The following PTPRD variants were observed in gnomAD, a reference collection of about 807,000 sequenced individuals.
PTPRD encodes receptor-type tyrosine-protein phosphatase delta.
A neutral mutation model predicts 214.5 loss-of-function variants in PTPRD; 34 were observed. The observed-to-expected ratio is 0.16, with a 90% CI of 0.12 to 0.21. The LOEUF is 0.21. PTPRD is among the 10% of genes least tolerant of loss of function. The pLI is 1.00. For synonymous variants in PTPRD, 1,128 were observed against 845.7 expected (o/e 1.33, Z -5.79); for missense variants, 2,545 against 2,398.7 (o/e 1.06, Z -1.27).
At position 8,485,893 on chromosome 9, in the gene PTPRD, G is replaced by C. The variant is rs1488289979; in HGVS notation, c.2924C>G (p.Ala975Gly). 5 of 1,614,056 alleles carry C rather than the reference G, an allele frequency of 3.1e-6. No individual in the cohort carries two copies. The change falls in exon 28 of 46, where the codon GCT becomes GGT. Residue 975 changes from alanine (A) to glycine (G), a missense_variant. Ala to Gly is a moderately conservative substitution (Grantham distance 60). Coordinates refer to ENST00000381196, the MANE Select transcript of PTPRD (RefSeq NM_002839.4). ...GCCAGTGAGTGTCATAGTGGTGTCAGCTGGAACAATAAGCTGCTCCATCGG... is the reference window on the plus strand; with the variant it reads ...GCCAGTGAGTGTCATAGTGGTGTCACCTGGAACAATAAGCTGCTCCATCGG... ...LLPMEQLIVP[A>G]DTTMTLTGLK...
chr9:8,499,930 T>C (rs1236497354), intron 24 of PTPRD, 90 bp from the exon 25 acceptor site: 4 of 1,136,812 alleles, frequency 3.5e-6, no homozygotes, highest in Non-Finnish European at 4.8e-6. Flanking sequence ...TAGGTTTCTC[T>C]TTCAAAAAAT....
intron 7 of PTPRD, among the ~76,000 whole-genome samples, chr9:9,718,520 G>T (rs2097874800): frequency 6.6e-6 from 1 of 152,178 alleles, no homozygotes; most frequent in Admixed American, 6.5e-5. Context: ...AGCTGCAGCT[G>T]CCCAGCCACG....
intron 8 of PTPRD, among the ~76,000 whole-genome samples, chr9:9,438,894 C>A (rs1241125466): frequency 6.6e-6 from 1 of 151,918 alleles, no homozygotes; most frequent in Non-Finnish European, 1.5e-5. Context: ...TTCTATGTAT[C>A]AAATATAAAA....
chr9:9,255,129 A>G (rs1052311929), intron 9 of PTPRD, among the ~76,000 whole-genome samples: 8 of 152,076 alleles, frequency 5.3e-5, no homozygotes, highest in African/African-American at 1.9e-4. Context: ...GCTGTGTGCA[A>G]ACAGACCCAG....
At chr9:10,468,859 A>G (rs1416487595) in intron 2 of PTPRD, among the ~76,000 whole-genome samples, 2 of 152,168 alleles carry the variant, frequency 1.3e-5, no homozygotes, top group African/African-American at 4.8e-5. Context: ...TTAATTACTC[A>G]AAGTAATATA....
intron 6 of PTPRD, among the ~76,000 whole-genome samples, chr9:9,743,524 G>T (rs1291717894): frequency 6.6e-6 from 1 of 151,914 alleles, no homozygotes; most frequent in Non-Finnish European, 1.5e-5. Flanking sequence ...TGGACTTCAT[G>T]GGCCATCTGA....
intron 14 of PTPRD, among the ~76,000 whole-genome samples, chr9:8,579,289 G>A (rs924618354): frequency 6.6e-6 from 1 of 152,108 alleles, no homozygotes; most frequent in East Asian, 1.9e-4. Context: ...TGGATCTAAT[G>A]CTAATGCTCT....
intron 8 of PTPRD, among the ~76,000 whole-genome samples, chr9:9,419,662 G>A (rs934524913): frequency 6.6e-6 from 1 of 151,614 alleles, no homozygotes; most frequent in Non-Finnish European, 1.5e-5. Context: ...CAGTTTATTA[G>A]TTACTGGAAT....
At chr9:8,910,891 A>T (rs1370514275) in intron 11 of PTPRD, among the ~76,000 whole-genome samples, 3 of 152,242 alleles carry the variant, frequency 2.0e-5, no homozygotes, top group African/African-American at 7.2e-5. Context: ...AAATTGAACA[A>T]AAGAAGCGCA....
chr9:10,240,291 T>C (rs2099643314), intron 3 of PTPRD, among the ~76,000 whole-genome samples: 1 of 151,988 alleles, frequency 6.6e-6, no homozygotes. Context: ...TCAAATACAC[T>C]TGCTATGCCT....
chr9:9,008,600 A>C (rs1299282169), intron 11 of PTPRD, among the ~76,000 whole-genome samples: 4 of 152,130 alleles, frequency 2.6e-5, no homozygotes, highest in African/African-American at 9.7e-5. Context: ...GGATGGAGTT[A>C]ACTTTGTACC....
intron 11 of PTPRD, among the ~76,000 whole-genome samples, chr9:8,852,213 T>C (rs2097831556): frequency 6.6e-6 from 1 of 152,156 alleles, no homozygotes; most frequent in African/African-American, 2.4e-5. Context: ...AGTTAGCTAC[T>C]GCTACATTAA....
chr9:9,576,235 T>G (rs957863929), intron 7 of PTPRD, among the ~76,000 whole-genome samples: 6 of 152,170 alleles, frequency 3.9e-5, no homozygotes, highest in African/African-American at 7.2e-5. Context: ...TAATACTTCA[T>G]TCTTAGGAAG....
In PTPRD at chr9:10,306,706, T is replaced by A. The variant is rs556471270; in HGVS notation, c.-545+34257A>T. On this transcript the variant is annotated intron_variant, in intron 3 of 45. Coordinates refer to ENST00000381196, the MANE Select transcript of PTPRD (RefSeq NM_002839.4). ...TTATATCCAACCAGAGTCTCAAAAT[T>A]CTATGTTGTCTTGAATTCACTTGCT... is the stretch of plus-strand genomic sequence containing the variant. Among the ~76,000 whole-genome samples, 18 of 152,220 alleles carry A rather than the reference T, an allele frequency of 1.2e-4. No homozygotes were observed. In the South Asian group the frequency reaches 3.5e-3, roughly 30 times the overall value.
chr9:9,833,251 C>T (rs1482719123), intron 5 of PTPRD, among the ~76,000 whole-genome samples: 4 of 151,814 alleles, frequency 2.6e-5, no homozygotes, highest in African/African-American at 9.7e-5. Context: ...GGACAGAGTA[C>T]AAAAGAGATA....
rs1569401726 is a variant in PTPRD at position 9,014,204 on chromosome 9, T to TG, written c.-104+4492_-104+4493insC. Among the ~76,000 whole-genome samples, 260 of 105,952 alleles carry TG rather than the reference T, an allele frequency of 2.5e-3. 4 individuals are homozygous for TG. Among genetic ancestry groups the TG allele is most frequent in the African/African-American group, 7.3e-3 (247 of 33,818 alleles). 69.5% of individuals were successfully genotyped at this position (105,952 alleles called of 152,430 possible). A position where few individuals can be genotyped will look rare whatever the true frequency, so the allele number is the denominator to read the frequency against. On this transcript the variant is annotated intron_variant, in intron 11 of 45. Coordinates refer to ENST00000381196, the MANE Select transcript of PTPRD (RefSeq NM_002839.4). The stretch of plus-strand genomic sequence containing the variant: ...TTTTTTTTGTTTGTTTGTTTGTTTT[T>TG]TTTTTTTTTCTGGAAGCATTTATTT...
chr9:9,683,159 C>T (rs117308902), intron 7 of PTPRD, among the ~76,000 whole-genome samples: 91 of 151,750 alleles, frequency 6.0e-4, no homozygotes, highest in Non-Finnish European at 1.1e-3. Flanking sequence ...ACCATTTGGA[C>T]GAATAAGTTA....
chr9:9,682,729 A>C (rs1303095521), intron 7 of PTPRD, among the ~76,000 whole-genome samples: 1 of 151,784 alleles, frequency 6.6e-6, no homozygotes, highest in Non-Finnish European at 1.5e-5. Context: ...TCTTCTTTCC[A>C]GCAAGAACTT....
chr9:9,427,029 G>A (rs949527265), intron 8 of PTPRD, among the ~76,000 whole-genome samples: 3 of 152,140 alleles, frequency 2.0e-5, no homozygotes, highest in South Asian at 4.1e-4. Flanking sequence ...GTAGCTCCTC[G>A]CCAGCAATGG....
Sources: gnomAD v4.1 joint callset for allele counts (sites outside exome capture counted in the v4.1 genomes callset) on GRCh38, gnomAD v4.1.1 for gene constraint, MANE v1.5 for transcripts, NCBI Gene and HGNC (gene_info 2026-07-23, HGNC 2026-07-21) for gene names.